The following PNLIP variants were observed in gnomAD, a reference collection of about 807,000 sequenced individuals.
PNLIP encodes pancreatic triacylglycerol lipase.
A neutral mutation model predicts 57.1 loss-of-function variants in PNLIP; 49 were observed. The ratio of observed to expected loss-of-function variants is 0.86; its 90% CI spans 0.68 to 1.09. The LOEUF (loss-of-function observed/expected upper bound fraction) is 1.09. Among genes scored for constraint, PNLIP ranks in the 50% least tolerant of loss-of-function variants. The pLI is 0.00. For missense variants in PNLIP, 503 were observed against 570.2 expected (o/e 0.88, Z 1.20); for synonymous variants, 209 against 200.4 (o/e 1.04, Z -0.36).
intron 12 of PNLIP, among the ~76,000 whole-genome samples, chr10:116,566,098 C>T (rs976663821): frequency 6.6e-6 from 1 of 152,148 alleles, no homozygotes; most frequent in Non-Finnish European, 1.5e-5. Context: ...TGTGGGCCAC[C>T]GTGCCTGGCC....
rs941592500 is a variant in PNLIP at position 116,566,999 on chromosome 10, T to TCTTC, written c.1335-723_1335-720dup. Reference sequence around the variant, plus strand: ...CCTTTTTTCCCTCCCTCCCTTCCTTTCTTCCTTCCTTCCTTCTTCCCTTCC... The same window carrying TCTTC: ...CCTTTTTTCCCTCCCTCCCTTCCTTTCTTCCTTCCTTCCTTCCTTCTTCCCTTCC... On this transcript the variant is annotated intron_variant, in intron 12 of 12. Coordinates refer to ENST00000369221, the MANE Select transcript of PNLIP (RefSeq NM_000936.4). Among the ~76,000 whole-genome samples the TCTTC allele has an allele frequency of 2.0e-5, 3 of 149,914 alleles. No homozygotes were observed. The East Asian group carries it at 6.0e-4, about 30-fold the overall frequency.
chr10:116,548,594 T>C (rs1847156075), intron 4 of PNLIP, 112 bp downstream of exon 4: 2 of 1,196,688 alleles, frequency 1.7e-6, no homozygotes, highest in Non-Finnish European at 2.4e-6. Context: ...TGGAGGATAT[T>C]CAGACCCCTG....
intron 6 of PNLIP, 71 bp from the exon 7 acceptor site, chr10:116,555,106 TA>T: frequency 6.5e-7 from 1 of 1,530,922 alleles, no homozygotes; most frequent in Non-Finnish European, 9.0e-7. Flanking sequence ...TTTCCATGCA[TA>T]ACTCATATTT....
chr10:116,564,177 C>T (rs1847342430), intron 12 of PNLIP, among the ~76,000 whole-genome samples: 1 of 152,086 alleles, frequency 6.6e-6, no homozygotes, highest in Non-Finnish European at 1.5e-5. Context: ...ACACTAAAAA[C>T]CTAGATTTTA....
At chr10:116,555,862 T>G (rs749543814) in intron 8 of PNLIP, 138 bp from the exon 9 acceptor site, 1 of 657,540 alleles carries the variant, frequency 1.5e-6, no homozygotes, top group African/African-American at 1.8e-5. Flanking sequence ...ATAAATATAC[T>G]TTACAAATGA....
At chr10:116,565,571 C>A (rs1847358146) in intron 12 of PNLIP, among the ~76,000 whole-genome samples, 1 of 148,892 alleles carries the variant, frequency 6.7e-6, no homozygotes, top group Non-Finnish European at 1.5e-5. Flanking sequence ...AGTGATTCTC[C>A]TGCCTCAGCC....
chr10:116,564,526 A>G (rs1194809379), intron 12 of PNLIP, among the ~76,000 whole-genome samples: 1 of 152,222 alleles, frequency 6.6e-6, no homozygotes, highest in East Asian at 1.9e-4. Context: ...TGTCAAAGGA[A>G]GGCCTTCAGG....
rs146794807 is a variant in PNLIP, at chr10:116,553,168, C to T, written c.460-559C>T. Among the ~76,000 whole-genome samples, 734 of 152,264 alleles carry T rather than the reference C, an allele frequency of 4.8e-3. 4 individuals carry two copies. The highest frequency in any genetic ancestry group is 0.012 in the African/African-American group (487 of 41,560). ...TCGCCCAGGCTAGAGCGCAATGGCG[C>T]GATCTCGGCTCACTGCAACTTCCGT... On this transcript the variant is annotated intron_variant, in intron 5 of 12. Transcript: ENST00000369221.
intron 6 of PNLIP, among the ~76,000 whole-genome samples, chr10:116,554,699 T>C (rs910060823): frequency 7.2e-5 from 11 of 152,214 alleles, no homozygotes; most frequent in African/African-American, 2.7e-4. Context: ...TGGGATAATC[T>C]GGACTGCCTA....
intron 2 of PNLIP, among the ~76,000 whole-genome samples, chr10:116,546,536 C>T (rs1177360323): frequency 2.0e-5 from 3 of 152,154 alleles, no homozygotes; most frequent in African/African-American, 7.2e-5. Context: ...AAATTCTTAA[C>T]TCTTCTGTGC....
chr10:116,564,827 T>G (rs1206991063), intron 12 of PNLIP, among the ~76,000 whole-genome samples: 2 of 152,188 alleles, frequency 1.3e-5, no homozygotes, highest in East Asian at 3.9e-4. Context: ...TGTGATAAGT[T>G]AAAAATATGC....
Position 116,559,226 on chromosome 10 carries a change from A to G in PNLIP, c.1003A>G (p.Thr335Ala), listed in dbSNP as rs1302457659. 3 of 1,614,084 alleles carry G rather than the reference A, an allele frequency of 1.9e-6. No individual in the cohort carries two copies. The highest frequency in any genetic ancestry group is 4.5e-5 in the East Asian group (2 of 44,876). ...CTATGCTGATAGATATCCTGGGAAAACAAATGATGTGGGCCAGAAATTTTA... is the reference window on the plus strand; with the variant it reads ...CTATGCTGATAGATATCCTGGGAAAGCAAATGATGTGGGCCAGAAATTTTA... ...GHYADRYPGKTNDVGQKFYLD... is the reference protein window; with the variant it reads ...GHYADRYPGKANDVGQKFYLD... Residue 335 changes from threonine to alanine, a missense_variant, in exon 10 of 13, where the codon ACA becomes GCA. By Grantham distance (58) the Thr-to-Ala change is moderately conservative (BLOSUM62 0). Transcript: ENST00000369221.
chr10:116,561,778 T>C, intron 12 of PNLIP, 142 bp downstream of exon 12: 1 of 638,040 alleles, frequency 1.6e-6, no homozygotes, highest in Non-Finnish European at 2.7e-6. Context: ...TGCCTTCTGT[T>C]TCTTTAGGGA....
chr10:116,559,047 A>G (rs1200054125), intron 9 of PNLIP, 107 bp from the exon 10 acceptor site: 3 of 1,356,194 alleles, frequency 2.2e-6, no homozygotes, highest in South Asian at 1.6e-5. Context: ...ATTTATCATC[A>G]GAACAGAACT....
rs764436783 is a variant in PNLIP at position 116,556,118 on chromosome 10, A to G, written c.930A>G (p.Ala310=). 3 of 1,561,812 alleles carry G rather than the reference A, an allele frequency of 1.9e-6. No individual in the cohort carries two copies. The highest frequency in any genetic ancestry group is 1.8e-6 in the Non-Finnish European group (2 of 1,132,306). ...FPCASYNVFT[A]NKCFPCPSGG... ...GTGCCTCTTACAACGTCTTCACTGCAGTAAGTAGACTCCACCTTCCGCATA... is the reference window on the plus strand; with the variant it reads ...GTGCCTCTTACAACGTCTTCACTGCGGTAAGTAGACTCCACCTTCCGCATA... The change falls in exon 9 of 13, where the codon GCA becomes GCG. Residue 310 remains alanine, a splice_region_variant and synonymous_variant. Transcript: ENST00000369221.
intron 4 of PNLIP, among the ~76,000 whole-genome samples, chr10:116,549,089 T>C (rs1847160928): frequency 6.6e-6 from 1 of 152,224 alleles, no homozygotes; most frequent in Admixed American, 6.5e-5. Flanking sequence ...ACATTACTGT[T>C]GATTCATTTA....
chr10:116,555,139 G>T (rs1280775481), intron 6 of PNLIP, 39 bp from the exon 7 acceptor site: 1 of 1,611,940 alleles, frequency 6.2e-7, no homozygotes, highest in Non-Finnish European at 8.5e-7. Context: ...CTTGTACTCA[G>T]GACTTGTCAT....
At chr10:116,555,126 A>G (rs1386726709) in intron 6 of PNLIP, 52 bp from the exon 7 acceptor site, 3 of 1,603,570 alleles carry the variant, frequency 1.9e-6, no homozygotes, top group Non-Finnish European at 2.6e-6. Context: ...TTTACTCTTA[A>G]TACTTGTACT....
At chr10:116,563,562 T>C (rs1847336185) in intron 12 of PNLIP, among the ~76,000 whole-genome samples, 1 of 152,106 alleles carries the variant, frequency 6.6e-6, no homozygotes, top group African/African-American at 2.4e-5. Context: ...TCTCCCCAAG[T>C]CCCCAAAGTC....
Sources: allele counts gnomAD v4.1 joint callset (sites outside exome capture counted in the v4.1 genomes callset), GRCh38; gene constraint gnomAD v4.1.1; transcripts MANE v1.5; gene names NCBI Gene and HGNC (gene_info 2026-07-23, HGNC 2026-07-21).